C4orf51: variants seen among roughly 807,000 people sequenced by gnomAD.
The protein encoded by C4orf51 is uncharacterized protein C4orf51.
A neutral mutation model predicts 25.2 loss-of-function variants in C4orf51; 25 were observed. The ratio of observed to expected loss-of-function variants is 0.99; its 90% CI spans 0.72 to 1.39. The LOEUF is 1.39. C4orf51 is among the 40% of genes most tolerant of loss of function. C4orf51 has a pLI of 0.00. For missense variants in C4orf51, 252 were observed against 239.6 expected (o/e 1.05, Z -0.34); for synonymous variants, 100 against 84.5 (o/e 1.18, Z -1.01).
chr4:145,700,780 C>T (rs1043972827), intron 2 of C4orf51, among the ~76,000 whole-genome samples: 3 of 152,024 alleles, frequency 2.0e-5, no homozygotes, highest in Non-Finnish European at 4.4e-5. Flanking sequence ...CCCATCTGAC[C>T]TCTCCCCTCC....
At chr4:145,785,289 T>C in the C4orf51 span, among the ~76,000 whole-genome samples, 1 of 152,154 alleles carries the variant, frequency 6.6e-6, no homozygotes, top group Non-Finnish European at 1.5e-5. Context: ...TCTTATAACC[T>C]AGTTATTCAA....
rs547397807 is a variant in C4orf51, at chr4:145,721,607, G to A, written c.308-5304G>A. Among the ~76,000 whole-genome samples the A allele has an allele frequency of 2.6e-5, 4 of 152,268 alleles. No homozygotes were observed. The South Asian group carries it at 6.2e-4, about 24-fold the overall frequency. ...TAAGAAATGGTTAAATGTGTTTGCC[G>A]GAAGATATTCAAGTGTAAGGCAACA... is the stretch of plus-strand genomic sequence containing the variant. On this transcript the variant is annotated intron_variant, in intron 2 of 5. Transcript: ENST00000438731.
chr4:145,724,642 G>T (rs1487056892), intron 2 of C4orf51, among the ~76,000 whole-genome samples: 1 of 152,150 alleles, frequency 6.6e-6, no homozygotes, highest in Non-Finnish European at 1.5e-5. Flanking sequence ...AGCACTTTGA[G>T]AGGCTGAGGT....
rs1275487652 is a variant in C4orf51, at chr4:145,680,451, T to C, written c.233+15T>C. 1 of 1,588,416 alleles carries C rather than the reference T, an allele frequency of 6.3e-7. No homozygotes were observed. Among genetic ancestry groups the C allele is most frequent in the South Asian group, 1.1e-5 (1 of 90,050 alleles). On this transcript the variant is annotated intron_variant, in intron 1 of 5. Transcript: ENST00000438731. ...GAGTGTAAACAGTAAGATTTCTTTG[T>C]AATTTGCACCTGGATATATCACTAT... is the stretch of plus-strand genomic sequence containing the variant.
At chr4:145,770,761 A>C (rs755808145) in intron 1 of C4orf51, among the ~76,000 whole-genome samples, 13 of 152,200 alleles carry the variant, frequency 8.5e-5, no homozygotes, top group Non-Finnish European at 1.8e-4. Context: ...CTTAAAATTA[A>C]ATTTAAAGGT....
At chr4:145,770,641 A>T (rs1032798165) in intron 1 of C4orf51, among the ~76,000 whole-genome samples, 2 of 152,106 alleles carry the variant, frequency 1.3e-5, no homozygotes, top group Admixed American at 6.5e-5. Context: ...TTCCCATGCT[A>T]TTTTAGATAT....
chr4:145,775,639 G>C, downstream of C4orf51: 1 of 956,166 alleles, frequency 1.0e-6, no homozygotes, highest in South Asian at 1.6e-5. Flanking sequence ...CAACTGCAGG[G>C]CTCAATCTGA....
At chr4:145,736,242 T>G (rs1054997430), downstream of C4orf51, among the ~76,000 whole-genome samples, 1 of 151,806 alleles carries the variant, frequency 6.6e-6, no homozygotes, top group African/African-American at 2.4e-5. Context: ...GTCCTGTGTC[T>G]AGCAGGTGAG....
intron 1 of C4orf51, among the ~76,000 whole-genome samples, chr4:145,769,034 A>G (rs1735840774): frequency 6.7e-6 from 1 of 150,012 alleles, no homozygotes; most frequent in Non-Finnish European, 1.5e-5. Flanking sequence ...GAGTGACCAT[A>G]TTTTTAAAAG....
chr4:145,708,114 C>T (rs932979385), intron 2 of C4orf51, among the ~76,000 whole-genome samples: 1 of 152,218 alleles, frequency 6.6e-6, no homozygotes, highest in Non-Finnish European at 1.5e-5. Flanking sequence ...GTCCTTAGGG[C>T]AACCTGGAGG....
At chr4:145,690,349 CA>C (rs1729466028) in intron 1 of C4orf51, among the ~76,000 whole-genome samples, 2 of 145,570 alleles carry the variant, frequency 1.4e-5, no homozygotes, top group East Asian at 4.1e-4. Context: ...ACTAAAAATA[CA>C]AAAAATTAGC....
intron 1 of C4orf51, among the ~76,000 whole-genome samples, chr4:145,690,434 G>A (rs1729476056): frequency 6.6e-6 from 1 of 152,088 alleles, no homozygotes; most frequent in African/African-American, 2.4e-5. Context: ...GAACCCGGGA[G>A]GCAGAGCTTG....
intron 1 of C4orf51, among the ~76,000 whole-genome samples, chr4:145,766,684 A>T (rs1333935761): frequency 7.2e-5 from 11 of 152,230 alleles, no homozygotes. Context: ...GGATCAGAGC[A>T]CGGGGGTGAA....
chr4:145,694,002 G>T (rs1345050096), intron 1 of C4orf51, among the ~76,000 whole-genome samples: 3 of 133,804 alleles, frequency 2.2e-5, no homozygotes. Flanking sequence ...CAGCTGCCGG[G>T]CGGAGGGGCT....
At chr4:145,716,405 T>C (rs1008617056) in intron 2 of C4orf51, among the ~76,000 whole-genome samples, 2 of 152,214 alleles carry the variant, frequency 1.3e-5, no homozygotes, top group African/African-American at 4.8e-5. Flanking sequence ...CATTCCAATG[T>C]GATGCCAGAG....
intron 2 of C4orf51, among the ~76,000 whole-genome samples, chr4:145,699,734 C>T (rs561191480): frequency 1.3e-4 from 20 of 152,312 alleles, no homozygotes; most frequent in Admixed American, 4.6e-4. Flanking sequence ...TGGCAAGTCC[C>T]GCTTTTCTGG....
chr4:145,720,718 T>C (rs1731690799), intron 2 of C4orf51, among the ~76,000 whole-genome samples: 1 of 152,226 alleles, frequency 6.6e-6, no homozygotes, highest in East Asian at 1.9e-4. Context: ...ATTGTCTTCA[T>C]TGTTTTCCCC....
chr4:145,740,562 T>G (rs1236825358), intron 1 of C4orf51, among the ~76,000 whole-genome samples: 1 of 152,238 alleles, frequency 6.6e-6, no homozygotes, highest in Non-Finnish European at 1.5e-5. Flanking sequence ...CACCCCTTGT[T>G]TTGAAAATAC....
chr4:145,717,853 G>A (rs972339752), intron 2 of C4orf51, among the ~76,000 whole-genome samples: 7 of 152,104 alleles, frequency 4.6e-5, no homozygotes, highest in African/African-American at 1.7e-4. Context: ...CATATGCTCA[G>A]CTCTTATATT....
Sources: allele counts gnomAD v4.1 joint callset (sites outside exome capture counted in the v4.1 genomes callset), GRCh38; gene constraint gnomAD v4.1.1; transcripts MANE v1.5; gene names NCBI Gene and HGNC (gene_info 2026-07-23, HGNC 2026-07-21).